Variants in KIRREL1 observed in about 807,000 individuals in gnomAD.
KIRREL1 encodes kin of IRRE-like protein 1.
KIRREL1 carries 25 observed loss-of-function variants against 83.3 expected under a neutral mutation model. That is an observed-to-expected ratio of 0.30 (90% CI 0.22 to 0.42). KIRREL1 has a LOEUF of 0.42. Among genes scored for constraint, KIRREL1 ranks in the 10% least tolerant of loss-of-function variants. The pLI, the probability that KIRREL1 is intolerant of heterozygous loss-of-function variation, is 1.00. For missense variants in KIRREL1, 812 were observed against 1,032.3 expected, an observed-to-expected ratio of 0.79 and a Z score of 2.92; for synonymous variants, 388 against 410.4, an observed-to-expected ratio of 0.95 and a Z score of 0.66.
In KIRREL1 at chr1:158,088,106, C is replaced by T; in HGVS notation, c.868C>T (p.His290Tyr). The T allele has an allele frequency of 1.2e-6, 2 of 1,614,072 alleles. No homozygotes were observed. Among genetic ancestry groups the T allele is most frequent in the Non-Finnish European group, 1.7e-6 (2 of 1,180,026 alleles). Residue 290 changes from histidine to tyrosine, a missense_variant, in exon 7 of 15, where the codon CAC becomes TAC. By Grantham distance (83) the His-to-Tyr change is moderately conservative. Around this residue, in one of 3 missense-constraint regions of KIRREL1, gnomAD observed 472 missense variants for 626.8 expected, o/e 0.75. Transcript: ENST00000359209. ...FFTEPVSCEV[H>Y]NKVGSTNVST... The stretch of plus-strand genomic sequence containing the variant: ...CACGGAGCCTGTGTCTTGTGAGGTT[C>T]ACAACAAAGTGGGAAGCACCAATGT...
At chr1:158,012,448 T>C (rs1204534764) in intron 1 of KIRREL1, among the ~76,000 whole-genome samples, 2 of 152,210 alleles carry the variant, frequency 1.3e-5, no homozygotes, top group East Asian at 3.8e-4. Flanking sequence ...AAAGACTGCA[T>C]TAAATTACCT....
chr1:158,082,716 C>T (rs891118920), intron 3 of KIRREL1, among the ~76,000 whole-genome samples: 2 of 152,130 alleles, frequency 1.3e-5, no homozygotes, highest in Non-Finnish European at 2.9e-5. Flanking sequence ...GCTTGTAATC[C>T]CAGCACTTTG....
At chr1:158,029,099 G>A (rs2101666324) in intron 1 of KIRREL1, among the ~76,000 whole-genome samples, 1 of 152,282 alleles carries the variant, frequency 6.6e-6, no homozygotes, top group South Asian at 2.1e-4. Flanking sequence ...CTAAGCCAGA[G>A]GCATTGACAT....
chr1:158,010,361 A>ACC lies in KIRREL1; in HGVS notation c.52+16636_52+16637dup, dbSNP rs1553236102. ...CACACACACACACACACACACACAC[A>ACC]CCCCACACAGTCCTGAGAATGTCAC... is the stretch of plus-strand genomic sequence containing the variant. On this transcript the variant is annotated intron_variant, in intron 1 of 14. Transcript: ENST00000359209. Among the ~76,000 whole-genome samples the ACC allele has an allele frequency of 5.6e-3, 289 of 51,588 alleles. 5 individuals are homozygous for ACC. Among genetic ancestry groups the ACC allele is most frequent in the East Asian group, 0.041 (114 of 2,766 alleles). The allele number at this position is 51,588 out of a possible 152,430, so 33.8% of individuals were successfully genotyped here.
Position 158,098,849 on chromosome 1 carries a change from C to A in KIRREL1, c.*3729C>A, listed in dbSNP as rs778545604. 1 of 152,200 alleles carries A rather than the reference C, an allele frequency of 6.6e-6. No individual in the cohort carries two copies. Among genetic ancestry groups the A allele is most frequent in the Non-Finnish European group, 1.5e-5 (1 of 68,046 alleles). The allele number at this position is 152,200 out of a possible 1,614,324, so 9.4% of individuals were successfully genotyped here. A position where few individuals can be genotyped will look rare whatever the true frequency, so the allele number is the denominator to read the frequency against. On this transcript the variant is annotated 3_prime_UTR_variant, in exon 15 of 15. Coordinates refer to ENST00000359209, the MANE Select transcript of KIRREL1 (RefSeq NM_018240.7). ...TTCCTCTTCACTCTGATGAGGGGAG[C>A]TTTATCTGCTTTCAAAATGGAGCAC...
At chr1:158,042,539 G>A (rs1259176235) in intron 1 of KIRREL1, among the ~76,000 whole-genome samples, 1 of 152,174 alleles carries the variant, frequency 6.6e-6, no homozygotes, top group Admixed American at 6.5e-5. Context: ...GAGATGAGGT[G>A]AGATTATGGA....
At chr1:158,026,182 GC>G (rs1401475772) in intron 1 of KIRREL1, among the ~76,000 whole-genome samples, 1 of 152,164 alleles carries the variant, frequency 6.6e-6, no homozygotes, top group African/African-American at 2.4e-5. Flanking sequence ...CCTCCATGGG[GC>G]CTTTTTCTTT....
chr1:158,003,571 C>G (rs1321498697), intron 1 of KIRREL1, among the ~76,000 whole-genome samples: 1 of 152,128 alleles, frequency 6.6e-6, no homozygotes, highest in African/African-American at 2.4e-5. Context: ...GCCTGACCCT[C>G]CCACACACAC....
At chr1:158,003,712 T>C (rs1446267443) in intron 1 of KIRREL1, among the ~76,000 whole-genome samples, 3 of 152,154 alleles carry the variant, frequency 2.0e-5, no homozygotes, top group Non-Finnish European at 4.4e-5. Flanking sequence ...GAAGTCTCCC[T>C]TCACCAGGCA....
intron 1 of KIRREL1, among the ~76,000 whole-genome samples, chr1:158,074,233 A>C (rs2101622288): frequency 6.6e-6 from 1 of 152,310 alleles, no homozygotes; most frequent in Non-Finnish European, 1.5e-5. Context: ...CCACTCATGG[A>C]GTATGGGAGA....
chr1:158,052,546 A>C (rs1171735118), intron 1 of KIRREL1, among the ~76,000 whole-genome samples: 4 of 152,100 alleles, frequency 2.6e-5, no homozygotes, highest in African/African-American at 9.6e-5. Context: ...TTGGGAGGCC[A>C]AGGCAGGTGG....
At position 158,098,785 on chromosome 1, in the gene KIRREL1, TC is replaced by T. The variant is rs1009238866; in HGVS notation, c.*3666del. On this transcript the variant is annotated 3_prime_UTR_variant, in exon 15 of 15. Transcript: ENST00000359209. ...ATGAAAACATCTGAGCACCCTGTCT[TC>T]AAGCGGTACGCTCTCCCCTTATTCC... 4 of 152,216 alleles carry T rather than the reference TC, an allele frequency of 2.6e-5. No individual in the cohort carries two copies. Among genetic ancestry groups the T allele is most frequent in the African/African-American group, 9.7e-5 (4 of 41,440 alleles). The allele number at this position is 152,216 out of a possible 1,614,324, so 9.4% of individuals were successfully genotyped here. A position where few individuals can be genotyped will look rare whatever the true frequency, so the allele number is the denominator to read the frequency against.
intron 1 of KIRREL1, among the ~76,000 whole-genome samples, chr1:158,065,815 T>G (rs1661344173): frequency 6.6e-6 from 1 of 151,968 alleles, no homozygotes. Flanking sequence ...TTTCTGCCTG[T>G]GAGACCCCAC....
At chr1:158,039,585 C>G (rs935716142) in intron 1 of KIRREL1, among the ~76,000 whole-genome samples, 2 of 152,212 alleles carry the variant, frequency 1.3e-5, no homozygotes, top group Non-Finnish European at 2.9e-5. Flanking sequence ...CCTCCCACCC[C>G]ACACTTACTC....
intron 3 of KIRREL1, among the ~76,000 whole-genome samples, chr1:158,083,830 C>T (rs150251097): frequency 6.6e-4 from 100 of 152,242 alleles, no homozygotes; most frequent in African/African-American, 2.3e-3. Context: ...CTCTGAGCAA[C>T]TGTAGGGGTA....
Position 158,099,291 on chromosome 1 carries a change from T to C in KIRREL1, c.*4171T>C, listed in dbSNP as rs564735881. 1 of 152,368 alleles carries C rather than the reference T, an allele frequency of 6.6e-6. No homozygotes were observed. The highest frequency in any genetic ancestry group is 1.9e-4 in the East Asian group (1 of 5,186). 9.4% of individuals were successfully genotyped at this position (152,368 alleles called of 1,614,324 possible). On this transcript the variant is annotated 3_prime_UTR_variant, in exon 15 of 15. Transcript: ENST00000359209. ...CCAAGGGATGTAATTGAAAGGCATT[T>C]ATTTTTGTGAAGATGCTGTAAAATT... is the stretch of plus-strand genomic sequence containing the variant.
In KIRREL1 at chr1:158,097,269, A is replaced by T; in HGVS notation, c.*2149A>T. 1 of 291,154 alleles carries T rather than the reference A, an allele frequency of 3.4e-6. No individual in the cohort carries two copies. Among genetic ancestry groups the T allele is most frequent in the Non-Finnish European group, 6.7e-6 (1 of 149,406 alleles). 18.0% of individuals were successfully genotyped at this position (291,154 alleles called of 1,614,324 possible). A position where few individuals can be genotyped will look rare whatever the true frequency, so the allele number is the denominator to read the frequency against. On this transcript the variant is annotated 3_prime_UTR_variant, in exon 15 of 15. Transcript: ENST00000359209. ...ATTATTTTCACAAAAACCAGAAACC[A>T]TGGGGGAATCCAAAGACTTGAAGTC...
At chr1:158,075,370 G>T (rs1284655386) in intron 1 of KIRREL1, among the ~76,000 whole-genome samples, 1 of 152,228 alleles carries the variant, frequency 6.6e-6, no homozygotes, top group East Asian at 1.9e-4. Context: ...CCACAGTGAA[G>T]GAGGCGGGGT....
At chr1:158,014,888 TCTC>T (rs987598997) in intron 1 of KIRREL1, among the ~76,000 whole-genome samples, 2 of 152,076 alleles carry the variant, frequency 1.3e-5, no homozygotes, top group African/African-American at 4.8e-5. Flanking sequence ...GGAGGTGCGT[TCTC>T]CTCCTTCCGG....
Sources: allele counts gnomAD v4.1 joint callset (sites outside exome capture counted in the v4.1 genomes callset), GRCh38; gene constraint gnomAD v4.1.1; regional missense constraint gnomAD v4.1.1; transcripts MANE v1.5; gene names NCBI Gene and HGNC (gene_info 2026-07-23, HGNC 2026-07-21).